The following RABGAP1 variants were observed in gnomAD, a reference collection of about 807,000 sequenced individuals.
RABGAP1 encodes the protein RAB GTPase activating protein 1.
Under a neutral mutation model 137.6 loss-of-function variants are expected in RABGAP1, and 23 were observed. The ratio of observed to expected loss-of-function variants is 0.17; its 90% confidence interval spans 0.12 to 0.24. The LOEUF is 0.24. Ranked by LOEUF, RABGAP1 falls within the 10% of genes least tolerant of loss-of-function variation. The pLI is 1.00. For synonymous variants in RABGAP1, 451 were observed against 450.7 expected (o/e 1.00, Z -0.01); for missense variants, 906 against 1,275.8 (o/e 0.71, Z 4.42).
chr9:122,979,212 T>A (rs116209670), intron 2 of RABGAP1, among the ~76,000 whole-genome samples: 1 of 152,214 alleles, frequency 6.6e-6, no homozygotes, highest in African/African-American at 2.4e-5. Flanking sequence ...GTCATTCTTA[T>A]AAGGGTATAG....
chr9:123,061,212 G>A (rs1405439344), intron 13 of RABGAP1, among the ~76,000 whole-genome samples: 1 of 152,120 alleles, frequency 6.6e-6, no homozygotes, highest in Non-Finnish European at 1.5e-5. Flanking sequence ...TCTACCTCCT[G>A]GGCTCAAGGG....
At chr9:122,972,958 G>C (rs1188247995) in intron 2 of RABGAP1, among the ~76,000 whole-genome samples, 1 of 142,686 alleles carries the variant, frequency 7.0e-6, no homozygotes, top group Non-Finnish European at 1.5e-5. Context: ...AATATAGTGA[G>C]AGCCTATCTC....
intron 19 of RABGAP1, among the ~76,000 whole-genome samples, chr9:123,082,044 C>G (rs754203199): frequency 3.1e-4 from 47 of 151,422 alleles, no homozygotes; most frequent in Non-Finnish European, 5.0e-4. Flanking sequence ...TCAAAAATGT[C>G]TATCTTCTTC....
chr9:123,045,452 C>T (rs13299383), intron 13 of RABGAP1, among the ~76,000 whole-genome samples: 4,112 of 152,224 alleles, frequency 0.027, 73 homozygotes, highest in Non-Finnish European at 0.044. Flanking sequence ...GTCATTCCTA[C>T]TTAAGTTTTG....
intron 13 of RABGAP1, among the ~76,000 whole-genome samples, chr9:123,023,708 G>T (rs2031788146): frequency 6.6e-6 from 1 of 152,040 alleles, no homozygotes; most frequent in Non-Finnish European, 1.5e-5. Context: ...GAATAAAACT[G>T]CTATAAACAT....
chr9:122,990,236 T>C, intron 6 of RABGAP1, 23 bp downstream of exon 6: 1 of 1,557,564 alleles, frequency 6.4e-7, no homozygotes, highest in Non-Finnish European at 8.8e-7. Context: ...ATTTTATTCA[T>C]GTATTAACAT....
chr9:123,059,959 A>G (rs1053742800), intron 13 of RABGAP1, among the ~76,000 whole-genome samples: 5 of 152,362 alleles, frequency 3.3e-5, no homozygotes, highest in African/African-American at 1.2e-4. Flanking sequence ...CCTTTGGGTG[A>G]TGCACTAGAA....
intron 6 of RABGAP1, among the ~76,000 whole-genome samples, chr9:122,992,228 A>G (rs1237564449): frequency 6.6e-6 from 1 of 152,118 alleles, no homozygotes; most frequent in East Asian, 1.9e-4. Flanking sequence ...CAGTAGAGAC[A>G]GGGTTTCGCC....
chr9:122,966,337 C>A (rs1296376239), intron 2 of RABGAP1, among the ~76,000 whole-genome samples: 2 of 151,886 alleles, frequency 1.3e-5, no homozygotes, highest in African/African-American at 4.8e-5. Flanking sequence ...CCAGCCTGGC[C>A]AACATGGTGA....
Position 122,986,175 on chromosome 9 carries a change from A to G in RABGAP1, c.386-40A>G, listed in dbSNP as rs752350212. 9.6e-6 allele frequency: 15 copies of G among 1,566,616 alleles called. No individual in the cohort carries two copies. The African/African-American group carries it at 1.6e-4, about 17-fold the overall frequency. ...TGCTAATCGTATCAACAAAATATCA[A>G]AGTGAAAGTAATCACTTCCTTATTC... On this transcript the variant is annotated intron_variant, in intron 3 of 25. Coordinates refer to ENST00000373647, the MANE Select transcript of RABGAP1 (RefSeq NM_012197.4).
At chr9:123,009,460 T>C (rs1397927181) in intron 10 of RABGAP1, among the ~76,000 whole-genome samples, 2 of 152,216 alleles carry the variant, frequency 1.3e-5, no homozygotes, top group Non-Finnish European at 2.9e-5. Context: ...TACTTTGGTA[T>C]GTGTGTATAT....
intron 13 of RABGAP1, among the ~76,000 whole-genome samples, chr9:123,037,978 T>C (rs2032754488): frequency 6.6e-6 from 1 of 152,218 alleles, no homozygotes; most frequent in African/African-American, 2.4e-5. Context: ...GGCATGTGAC[T>C]GGTATCAGAG....
At chr9:122,988,393 G>A (rs982713955) in intron 4 of RABGAP1, among the ~76,000 whole-genome samples, 6 of 152,026 alleles carry the variant, frequency 3.9e-5, no homozygotes, top group African/African-American at 1.2e-4. Context: ...ATCAGAGTCT[G>A]GAATGTTGTA....
At chr9:123,047,369 G>A (rs963249432) in intron 13 of RABGAP1, among the ~76,000 whole-genome samples, 43 of 152,260 alleles carry the variant, frequency 2.8e-4, no homozygotes, top group African/African-American at 7.7e-4. Flanking sequence ...AAGATCATAA[G>A]TTGTCTAGTA....
chr9:122,943,068 CTTTCTTTTTTTTTTTTT>C (rs1196295625), intron 1 of RABGAP1, among the ~76,000 whole-genome samples: 6 of 111,242 alleles, frequency 5.4e-5, no homozygotes, highest in Non-Finnish European at 8.5e-5. Flanking sequence ...TTGTGGTGCA[CTTTCTTTTTTTTTTTTT>C]TTTTTTTTTT....
At chr9:122,932,248 T>A in the RABGAP1 span, among the ~76,000 whole-genome samples, 2 of 152,194 alleles carry the variant, frequency 1.3e-5, no homozygotes, top group East Asian at 3.9e-4. Flanking sequence ...TTTATTGAGG[T>A]AAAACATGCG....
intron 18 of RABGAP1, 74 bp downstream of exon 18, chr9:123,076,360 A>C: frequency 2.4e-5 from 36 of 1,500,234 alleles, no homozygotes; most frequent in Non-Finnish European, 3.1e-5. Context: ...TTGTAGTCTC[A>C]TTCTGAGCAG....
chr9:122,977,461 G>A (rs1835821815), intron 2 of RABGAP1, among the ~76,000 whole-genome samples: 1 of 152,226 alleles, frequency 6.6e-6, no homozygotes, highest in Non-Finnish European at 1.5e-5. Context: ...AATCCCAACA[G>A]GGAGGCCAAG....
intron 1 of RABGAP1, among the ~76,000 whole-genome samples, chr9:122,949,342 G>A (rs891000167): frequency 6.6e-6 from 1 of 152,168 alleles, no homozygotes; most frequent in East Asian, 1.9e-4. Context: ...GCGAAACCCC[G>A]TCTGTGCTAA....
Sources: allele counts gnomAD v4.1 joint callset (sites outside exome capture counted in the v4.1 genomes callset), GRCh38; gene constraint gnomAD v4.1.1; transcripts MANE v1.5; gene names NCBI Gene and HGNC (gene_info 2026-07-23, HGNC 2026-07-21).